ZC3H18: variants seen among roughly 807,000 people sequenced by gnomAD.
The protein encoded by ZC3H18 is zinc finger CCCH domain-containing protein 18.
Under a neutral mutation model 106.1 loss-of-function variants are expected in ZC3H18, and 8 were observed. That is an observed-to-expected ratio of 0.08 (90% confidence interval 0.04 to 0.14). The LOEUF (loss-of-function observed/expected upper bound fraction) is 0.14. Among genes scored for constraint, ZC3H18 ranks in the 10% least tolerant of loss-of-function variants. The pLI, the probability that ZC3H18 is intolerant of heterozygous loss-of-function variation, is 1.00. For missense variants in ZC3H18, 1,318 were observed against 1,278.4 expected, an observed-to-expected ratio of 1.03 and a Z score of -0.47; for synonymous variants, 635 against 522.1, an observed-to-expected ratio of 1.22 and a Z score of -2.95.
intron 2 of ZC3H18, among the ~76,000 whole-genome samples, chr16:88,579,546 C>T (rs1049710175): frequency 5.3e-5 from 8 of 152,186 alleles, no homozygotes; most frequent in African/African-American, 1.7e-4. Context: ...ACCATGGGCG[C>T]GGGCGGTGCG....
At chr16:88,572,102 C>CT (rs1304669719) in intron 1 of ZC3H18, among the ~76,000 whole-genome samples, 3 of 152,226 alleles carry the variant, frequency 2.0e-5, no homozygotes, top group Non-Finnish European at 4.4e-5. Context: ...AGGTGAGACT[C>CT]TGACTTGCAG....
chr16:88,624,489 G>C, intron 11 of ZC3H18, 113 bp from the exon 12 acceptor site: 3 of 1,516,076 alleles, frequency 2.0e-6, no homozygotes, highest in Non-Finnish European at 2.7e-6. Context: ...TGCTCACCGA[G>C]CGTCACAGGC....
intron 12 of ZC3H18, 102 bp downstream of exon 12, chr16:88,624,847 G>T (rs1906202785): frequency 1.0e-5 from 15 of 1,448,734 alleles, no homozygotes. Flanking sequence ...CCAGAGCCAG[G>T]TGGTGGGAAG....
chr16:88,625,428 C>T (rs369683621), intron 13 of ZC3H18, 161 bp downstream of exon 13: 2 of 826,532 alleles, frequency 2.4e-6, no homozygotes, highest in Non-Finnish European at 3.8e-6. Flanking sequence ...GAAGCTTTGA[C>T]ACAGGAGAAA....
At chr16:88,613,567 C>T (rs556556175) in intron 8 of ZC3H18, among the ~76,000 whole-genome samples, 16 of 152,208 alleles carry the variant, frequency 1.1e-4, no homozygotes, top group African/African-American at 2.6e-4. Context: ...CCTGCCGTTG[C>T]GATTTGTATT....
chr16:88,609,453 A>G (rs1285697470), intron 7 of ZC3H18, among the ~76,000 whole-genome samples: 1 of 152,020 alleles, frequency 6.6e-6, no homozygotes, highest in African/African-American at 2.4e-5. Flanking sequence ...ATGCACCACC[A>G]TGCCCAGCTA....
Position 88,577,313 on chromosome 16 carries a change from G to A in ZC3H18, c.190G>A (p.Asp64Asn), listed in dbSNP as rs1293214304. The A allele has an allele frequency of 1.2e-6, 2 of 1,611,890 alleles. No homozygotes were observed. The highest frequency in any genetic ancestry group is 1.7e-6 in the Non-Finnish European group (2 of 1,178,890). The change falls in exon 2 of 18, where the codon GAT becomes AAT. Residue 64 changes from aspartate to asparagine, a missense_variant. Asp to Asn is a conservative substitution (Grantham distance 23, BLOSUM62 1). Transcript: ENST00000301011. Reference sequence around the variant, plus strand: ...CAGGGGGCCGAGCCAGGAGGAGGAAGATAATCACTCCGACGAGGAGGACCG... The same window carrying A: ...CAGGGGGCCGAGCCAGGAGGAGGAAAATAATCACTCCGACGAGGAGGACCG... The part of the protein sequence containing the change: ...AARGPSQEEE[D>N]NHSDEEDRAS...
At chr16:88,625,384 C>A (rs1906239656) in intron 13 of ZC3H18, 117 bp downstream of exon 13, 4 of 1,274,868 alleles carry the variant, frequency 3.1e-6, no homozygotes, top group Non-Finnish European at 4.4e-6. Context: ...CCTTCTGGAT[C>A]TGAGTCACCC....
At chr16:88,578,471 G>A (rs1162987111) in intron 2 of ZC3H18, among the ~76,000 whole-genome samples, 1 of 152,024 alleles carries the variant, frequency 6.6e-6, no homozygotes, top group African/African-American at 2.4e-5. Flanking sequence ...ATACTTGCCG[G>A]AGCTATTGAA....
chr16:88,627,586 T>C lies in ZC3H18; in HGVS notation c.2109-36T>C. ...CCCCTGCTGGCCCCTCCCTCCAGTCTGGCTGGGGTGTGGTGAGATGTGCTT... is the reference window on the plus strand; with the variant it reads ...CCCCTGCTGGCCCCTCCCTCCAGTCCGGCTGGGGTGTGGTGAGATGTGCTT... On this transcript the variant is annotated intron_variant, in intron 13 of 17. Coordinates refer to ENST00000301011, the MANE Select transcript of ZC3H18 (RefSeq NM_144604.4). This position sits in a 1 kb window ranked among gnomAD's most constrained non-coding sequence, Gnocchi z 4.5. 6.4e-7 allele frequency: 1 copy of C among 1,567,994 alleles called. No homozygotes were observed. Among genetic ancestry groups the C allele is most frequent in the Non-Finnish European group, 8.7e-7 (1 of 1,151,124 alleles).
In ZC3H18 at chr16:88,606,784, C is replaced by T. The variant is rs56243648; in HGVS notation, c.1089-2150C>T. 1.9e-3 allele frequency among the ~76,000 whole-genome samples: 289 copies of T among 152,262 alleles called. 3 individuals carry two copies. Among genetic ancestry groups the T allele is most frequent in the African/African-American group, 6.7e-3 (280 of 41,540 alleles). On this transcript the variant is annotated intron_variant, in intron 6 of 17. Transcript: ENST00000301011. ...TGTGCACATTAGATTGAACGGTGTC[C>T]GACTGATGGGAACGGACTGAAGCTG...
intron 3 of ZC3H18, among the ~76,000 whole-genome samples, chr16:88,587,219 G>C (rs1915490491): frequency 6.6e-6 from 1 of 152,202 alleles, no homozygotes; most frequent in Admixed American, 6.5e-5. Context: ...AGGGGACAGT[G>C]TAAGAAAGTG....
At position 88,577,099 on chromosome 16, in the gene ZC3H18, C is replaced by G. The variant is rs761331207; in HGVS notation, c.-14-11C>G. 7 of 1,512,658 alleles carry G rather than the reference C, an allele frequency of 4.6e-6. No homozygotes were observed. The Admixed American group carries it at 9.1e-5, about 20-fold the overall frequency. 93.7% of individuals were successfully genotyped at this position (1,512,658 alleles called of 1,614,324 possible). A position where few individuals can be genotyped will look rare whatever the true frequency, so the allele number is the denominator to read the frequency against. ...GCTAAAGGCTGTCAATCTGTATTCT[C>G]TCTTTTGCAGAACCGTGGGTACCGA... On this transcript the variant is annotated splice_polypyrimidine_tract_variant and intron_variant, in intron 1 of 17. Coordinates refer to ENST00000301011, the MANE Select transcript of ZC3H18 (RefSeq NM_144604.4).
chr16:88,610,047 G>C (rs1045246697), intron 7 of ZC3H18, among the ~76,000 whole-genome samples: 12 of 152,038 alleles, frequency 7.9e-5, no homozygotes, highest in Non-Finnish European at 1.8e-4. Flanking sequence ...GTCCACTTCA[G>C]CCAGCTTGTT....
chr16:88,598,082 C>T lies in ZC3H18; in HGVS notation c.689-96C>T, dbSNP rs867434416. 2.1e-4 allele frequency: 118 copies of T among 571,142 alleles called. No homozygotes were observed. The Middle Eastern group carries it at 5.6e-3, about 27-fold the overall frequency. The allele number at this position is 571,142 out of a possible 1,614,324, so 35.4% of individuals were successfully genotyped here. On this transcript the variant is annotated intron_variant, in intron 3 of 17. Transcript: ENST00000301011. ...TGGCTCGCCATCAGGCCTGGGTAAACATGGCCTCTGCCCCCTCCCACCCCC... is the reference window on the plus strand; with the variant it reads ...TGGCTCGCCATCAGGCCTGGGTAAATATGGCCTCTGCCCCCTCCCACCCCC...
intron 17 of ZC3H18, among the ~76,000 whole-genome samples, chr16:88,630,881 G>A (rs1042951357): frequency 6.6e-5 from 10 of 152,172 alleles, no homozygotes; most frequent in East Asian, 1.9e-4. Context: ...GAGGTTGTGC[G>A]GGGCCAGCCC....
At chr16:88,587,275 A>T (rs948475728) in intron 3 of ZC3H18, among the ~76,000 whole-genome samples, 6 of 152,210 alleles carry the variant, frequency 3.9e-5, no homozygotes, top group African/African-American at 1.4e-4. Context: ...GCAGAACTCT[A>T]GCCTGATGAT....
intron 8 of ZC3H18, among the ~76,000 whole-genome samples, chr16:88,617,750 T>G (rs1417058613): frequency 1.3e-5 from 2 of 152,220 alleles, no homozygotes; most frequent in Admixed American, 6.5e-5. Context: ...GGGCTCTTCA[T>G]TCTCACTCTT....
chr16:88,624,426 G>A (rs1212910428), intron 11 of ZC3H18, 176 bp from the exon 12 acceptor site: 27 of 1,044,942 alleles, frequency 2.6e-5, no homozygotes, highest in Middle Eastern at 2.9e-4. Context: ...CTTTGAAGCC[G>A]TTCCCAAGCA....
Sources: allele counts gnomAD v4.1 joint callset (sites outside exome capture counted in the v4.1 genomes callset), GRCh38; gene constraint gnomAD v4.1.1; non-coding constraint Gnocchi (gnomAD v3.1); transcripts MANE v1.5; gene names NCBI Gene and HGNC (gene_info 2026-07-23, HGNC 2026-07-21).